The following MAP3K11 variants were observed in gnomAD, a reference collection of about 807,000 sequenced individuals.
The protein encoded by MAP3K11 is mitogen-activated protein kinase kinase kinase 11.
A neutral mutation model predicts 84.9 loss-of-function variants in MAP3K11; 46 were observed. The observed-to-expected ratio is 0.54, with a 90% CI of 0.43 to 0.69. The LOEUF (loss-of-function observed/expected upper bound fraction) is 0.69. Ranked by LOEUF, MAP3K11 falls within the 30% of genes least tolerant of loss-of-function variation. MAP3K11 has a pLI of 0.00. For synonymous variants in MAP3K11, 527 were observed against 514.7 expected, an observed-to-expected ratio of 1.02 and a Z score of -0.32; for missense variants, 1,053 against 1,198.3, an observed-to-expected ratio of 0.88 and a Z score of 1.79.
intron 4 of MAP3K11, 51 bp from the exon 5 acceptor site, chr11:65,607,564 C>A (rs755366302): frequency 1.3e-6 from 2 of 1,546,916 alleles, no homozygotes; most frequent in Admixed American, 1.9e-5. Flanking sequence ...CCAATCCCGG[C>A]AGCGCCCGCC....
In MAP3K11 at chr11:65,597,758, G is replaced by A. The variant is rs1043169459; in HGVS notation, c.*533C>T. On this transcript the variant is annotated 3_prime_UTR_variant, in exon 10 of 10. Transcript: ENST00000309100. Reference sequence around the variant, plus strand: ...CCAAGAAAGGTGACAGGCTACATGTGGGGAGACAGCTTTTGAGTTTATTTG... The same window carrying A: ...CCAAGAAAGGTGACAGGCTACATGTAGGGAGACAGCTTTTGAGTTTATTTG... The A allele has an allele frequency of 1.3e-5, 2 of 153,018 alleles. No individual in the cohort carries two copies. The highest frequency in any genetic ancestry group is 2.9e-5 in the Non-Finnish European group (2 of 68,560). 9.5% of individuals were successfully genotyped at this position (153,018 alleles called of 1,614,324 possible).
Position 65,613,502 on chromosome 11 carries a change from C to T in MAP3K11, c.255G>A (p.Ala85=), listed in dbSNP as rs528737223. 2.2e-5 allele frequency: 36 copies of T among 1,610,854 alleles called. No individual in the cohort carries two copies. The highest frequency in any genetic ancestry group is 1.9e-4 in the South Asian group (17 of 90,936). The change falls in exon 1 of 10, where the codon GCG becomes GCA. Residue 85 remains alanine, a synonymous_variant. Transcript: ENST00000309100. The part of the protein sequence containing the change: ...AAISGDEGWW[A]GQVGGQVGIF... ...TGCCCACCTGGCCACCCACCTGGCC[C>T]GCCCACCAGCCCTCGTCTCCTGAGA...
chr11:65,613,166 G>C lies in MAP3K11; in HGVS notation c.591C>G (p.Ala197=), dbSNP rs779187339. ...CCAGAGCTCGGCTGAGGGGCCCACC[G>C]GCTGCATACTCCATCACCAGGCACA... ...PNLCLVMEYA[A]GGPLSRALAG... The change falls in exon 1 of 10, where the codon GCC becomes GCG. Residue 197 remains alanine (A), a synonymous_variant. Transcript: ENST00000309100. The C allele has an allele frequency of 6.3e-7, 1 of 1,591,540 alleles. No individual in the cohort carries two copies. Among genetic ancestry groups the C allele is most frequent in the Non-Finnish European group, 8.6e-7 (1 of 1,168,290 alleles).
chr11:65,599,421 T>C lies in MAP3K11; in HGVS notation c.2179A>G (p.Ser727Gly). The part of the protein sequence containing the change: ...GIPVGQRSAK[S>G]PRREEEPRGG... ...CGGGGCTCCTCCTCACGTCGGGGGC[T>C]CTTGGCTGACCGCTGGCCCACAGGG... The change falls in exon 9 of 10, where the codon AGC becomes GGC. Residue 727 changes from serine to glycine, a missense_variant. Ser to Gly is a moderately conservative substitution (Grantham distance 56). Transcript: ENST00000309100. 1.3e-6 allele frequency: 2 copies of C among 1,529,384 alleles called. No homozygotes were observed. The highest frequency in any genetic ancestry group is 1.7e-6 in the Non-Finnish European group (2 of 1,149,618). 94.7% of individuals were successfully genotyped at this position (1,529,384 alleles called of 1,614,324 possible). A position where few individuals can be genotyped will look rare whatever the true frequency, so the allele number is the denominator to read the frequency against.
In MAP3K11 at chr11:65,605,830, C is replaced by A. The variant is rs775506696; in HGVS notation, c.1762G>T (p.Ala588Ser). The change falls in exon 8 of 10, where the codon GCC becomes TCC. Residue 588 changes from alanine (A) to serine (S), a missense_variant. Coordinates refer to ENST00000309100, the MANE Select transcript of MAP3K11 (RefSeq NM_002419.4). ...NGRRRSRMDE[A>S]TWYLDSDDSS... The stretch of plus-strand genomic sequence containing the variant: ...TCATCTGAATCCAGGTACCATGTGG[C>A]TTCGTCCATGCGGGACCTTCTCCTG... 8 of 1,613,126 alleles carry A rather than the reference C, an allele frequency of 5.0e-6. No homozygotes were observed. The African/African-American group carries it at 9.4e-5, about 19-fold the overall frequency.
chr11:65,598,417 G>C lies in MAP3K11; in HGVS notation c.2418C>G (p.Phe806Leu). ...PAPRRAPWTL[F>L]PDSDPFWDSP... Reference sequence around the variant, plus strand: ...AGTCCCAGAAGGGGTCTGAGTCCGGGAACAAGGTCCAGGGTGCTCGGCGGG... The same window carrying C: ...AGTCCCAGAAGGGGTCTGAGTCCGGCAACAAGGTCCAGGGTGCTCGGCGGG... The change falls in exon 10 of 10, where the codon TTC becomes TTG. Residue 806 changes from phenylalanine (F) to leucine (L), a missense_variant. Phe to Leu is a conservative substitution (Grantham distance 22, BLOSUM62 0). This residue lies in a region of MAP3K11 where 583 missense variants were observed against 566.6 expected (regional missense o/e 1.03). Transcript: ENST00000309100. 6.3e-7 allele frequency: 1 copy of C among 1,593,940 alleles called. No individual in the cohort carries two copies. The highest frequency in any genetic ancestry group is 8.6e-7 in the Non-Finnish European group (1 of 1,168,208).
Position 65,605,926 on chromosome 11 carries a change from G to A in MAP3K11, c.1739+20C>T, listed in dbSNP as rs1393030981. The A allele has an allele frequency of 5.0e-6, 8 of 1,607,912 alleles. No individual in the cohort carries two copies. Among genetic ancestry groups the A allele is most frequent in the South Asian group, 3.3e-5 (3 of 90,654 alleles). On this transcript the variant is annotated intron_variant, in intron 7 of 9. Transcript: ENST00000309100. ...GGGAAAGCAAATGATGCTGGGTCTGGGGGGCACTCAGGTACTCACCTCCCA... is the reference window on the plus strand; with the variant it reads ...GGGAAAGCAAATGATGCTGGGTCTGAGGGGCACTCAGGTACTCACCTCCCA...
chr11:65,598,780 T>C lies in MAP3K11; in HGVS notation c.2207-152A>G, dbSNP rs556392903. 1.3e-5 allele frequency: 7 copies of C among 541,614 alleles called. No homozygotes were observed. In the East Asian group the frequency reaches 1.7e-4, roughly 13 times the overall value. 33.6% of individuals were successfully genotyped at this position (541,614 alleles called of 1,614,324 possible). ...CCCTTCCTGCTCCGTGGTGCCTCTG[T>C]TTTTTGTAATAGTTAGGAGTGAGGC... is the stretch of plus-strand genomic sequence containing the variant. On this transcript the variant is annotated intron_variant, in intron 9 of 9. Transcript: ENST00000309100.
intron 6 of MAP3K11, chr11:65,606,396 A>C (rs1338167430): frequency 2.4e-6 from 1 of 423,588 alleles, no homozygotes; most frequent in Non-Finnish European, 4.1e-6. Flanking sequence ...TCATCCATAA[A>C]ACTTAAATTA....
intron 8 of MAP3K11, 172 bp downstream of exon 8, chr11:65,605,589 A>G: frequency 1.8e-6 from 1 of 555,186 alleles, no homozygotes; most frequent in Non-Finnish European, 3.1e-6. Flanking sequence ...CCTGTAGGTC[A>G]GACCTGGGTT....
At chr11:65,601,494 C>T (rs1854454718) in intron 8 of MAP3K11, among the ~76,000 whole-genome samples, 2 of 152,228 alleles carry the variant, frequency 1.3e-5, no homozygotes, top group African/African-American at 2.4e-5. Context: ...CGGTGGCTCA[C>T]ATCTGCAATC....
Position 65,613,585 on chromosome 11 carries a change from C to A in MAP3K11, c.172G>T (p.Asp58Tyr), listed in dbSNP as rs1433311320. 1 of 1,612,978 alleles carries A rather than the reference C, an allele frequency of 6.2e-7. No individual in the cohort carries two copies. The highest frequency in any genetic ancestry group is 1.3e-5 in the African/African-American group (1 of 74,938). Residue 58 changes from aspartate (D) to tyrosine (Y), a missense_variant, in exon 1 of 10, where the codon GAT becomes TAT. Physicochemically the swap from Asp to Tyr is radical, Grantham distance 160 (BLOSUM62 -3). Transcript: ENST00000309100. ...TCACCCTTCCTCAGGGCCAGCTCAT[C>A]CTGCCCACTGGGCTCGTAGTCGAAC... Reference protein sequence around the residue: ...ALFDYEPSGQDELALRKGDRV... With the variant: ...ALFDYEPSGQYELALRKGDRV...
Position 65,608,263 on chromosome 11 carries a change from C to T in MAP3K11, c.920+5G>A, listed in dbSNP as rs1328795657. The T allele has an allele frequency of 6.2e-7, 1 of 1,612,272 alleles. No individual in the cohort carries two copies. The highest frequency in any genetic ancestry group is 8.5e-7 in the Non-Finnish European group (1 of 1,178,542). ...CAGCCCGTCCAGCCCCACCAAGGGC[C>T]GCACCTCCAGACGTCACTGCCCTTA... On this transcript the variant is annotated splice_donor_5th_base_variant and intron_variant, in intron 2 of 9. Transcript: ENST00000309100.
chr11:65,606,859 G>C (rs1034886917), intron 5 of MAP3K11, 55 bp from the exon 6 acceptor site: 2 of 1,193,638 alleles, frequency 1.7e-6, no homozygotes, highest in Non-Finnish European at 2.4e-6. Flanking sequence ...GTAGAGCCAG[G>C]ACCCCAACCT....
intron 6 of MAP3K11, 36 bp downstream of exon 6, chr11:65,606,655 G>T: frequency 7.0e-7 from 1 of 1,432,220 alleles, no homozygotes; most frequent in Non-Finnish European, 9.6e-7. Flanking sequence ...AAGGAGCTGG[G>T]GGGCGGAGAG....
At position 65,598,435 on chromosome 11, in the gene MAP3K11, T is replaced by G; in HGVS notation, c.2400A>C (p.Arg800=). The stretch of plus-strand genomic sequence containing the variant: ...AGTCCGGGAACAAGGTCCAGGGTGC[T>G]CGGCGGGGTGCAGGCTGTGGTGATG... The part of the protein sequence containing the change: ...PLPSPQPAPR[R]APWTLFPDSD... The change falls in exon 10 of 10, where the codon CGA becomes CGC. Residue 800 remains arginine (R), a synonymous_variant. Transcript: ENST00000309100. 2 of 1,606,486 alleles carry G rather than the reference T, an allele frequency of 1.2e-6. No individual in the cohort carries two copies. The highest frequency in any genetic ancestry group is 8.5e-7 in the Non-Finnish European group (1 of 1,175,812).
In MAP3K11 at chr11:65,613,445, G is replaced by A. The variant is rs2004649; in HGVS notation, c.312C>T (p.Gly104=). Residue 104 remains glycine, a synonymous_variant, in exon 1 of 10, where the codon GGC becomes GGT. Coordinates refer to ENST00000309100, the MANE Select transcript of MAP3K11 (RefSeq NM_002419.4). Reference sequence around the variant, plus strand: ...TGGCCACCTCGCAGGGGGGCGGGCCGCCACCCCGAGACACATAGTTGGACG... The same window carrying A: ...TGGCCACCTCGCAGGGGGGCGGGCCACCACCCCGAGACACATAGTTGGACG... The part of the protein sequence containing the change: ...IFPSNYVSRG[G]GPPPCEVASF... The A allele has an allele frequency of 0.42, 679,748 of 1,611,926 alleles. 149,674 individuals are homozygous for A. Among genetic ancestry groups the A allele is most frequent in the South Asian group, 0.6 (54,615 of 91,036 alleles).
At chr11:65,599,139 C>T (rs10896022) in intron 9 of MAP3K11, among the ~76,000 whole-genome samples, 1 of 152,040 alleles carries the variant, frequency 6.6e-6, no homozygotes, top group Non-Finnish European at 1.5e-5. Context: ...GGATCACAGG[C>T]GTGCACCACT....
chr11:65,614,043 G>A lies in MAP3K11; in HGVS notation c.-287C>T, dbSNP rs1854622890. ...GCTTGGAGGGACCCGAGCTTCCCTC[G>A]GTTCTGGAGCAGTCCTGGGAGCCTG... is the stretch of plus-strand genomic sequence containing the variant. On this transcript the variant is annotated 5_prime_UTR_variant, in exon 1 of 10. Coordinates refer to ENST00000309100, the MANE Select transcript of MAP3K11 (RefSeq NM_002419.4). 6.7e-6 allele frequency: 3 copies of A among 445,114 alleles called. No individual in the cohort carries two copies. The highest frequency in any genetic ancestry group is 1.2e-5 in the Non-Finnish European group (3 of 247,130). The allele number at this position is 445,114 out of a possible 1,614,324, so 27.6% of individuals were successfully genotyped here.
Sources: allele counts gnomAD v4.1 joint callset (sites outside exome capture counted in the v4.1 genomes callset), GRCh38; gene constraint gnomAD v4.1.1; regional missense constraint gnomAD v4.1.1; transcripts MANE v1.5; gene names NCBI Gene and HGNC (gene_info 2026-07-23, HGNC 2026-07-21).